Variants in AGPAT4 observed in about 807,000 individuals in gnomAD.
AGPAT4 encodes the protein 1-acylglycerol-3-phosphate O-acyltransferase 4.
In AGPAT4, 15 loss-of-function variants were observed where a neutral mutation model predicts 48.0. The observed-to-expected ratio is 0.31, with a 90% CI of 0.21 to 0.48. The LOEUF (loss-of-function observed/expected upper bound fraction) is 0.48, where lower values mean the gene tolerates loss of function less well. Among genes scored for constraint, AGPAT4 ranks in the 20% least tolerant of loss-of-function variants. The pLI, the probability that AGPAT4 is intolerant of heterozygous loss-of-function variation, is 0.99. For synonymous variants in AGPAT4, 178 were observed against 198.7 expected (o/e 0.90, Z 0.88); for missense variants, 314 against 482.5 (o/e 0.65, Z 3.27).
chr6:161,244,089 A>G lies in AGPAT4; in HGVS notation c.-89-11787T>C, dbSNP rs1782578699. Among the ~76,000 whole-genome samples, 1 of 152,208 alleles carries G rather than the reference A, an allele frequency of 6.6e-6. No individual in the cohort carries two copies. Among genetic ancestry groups the G allele is most frequent in the Admixed American group, 6.5e-5 (1 of 15,284 alleles). On this transcript the variant is annotated intron_variant, in intron 1 of 8. Coordinates refer to ENST00000320285, the MANE Select transcript of AGPAT4 (RefSeq NM_020133.3). The surrounding 1 kb of genome is among the most constrained non-coding windows in gnomAD (Gnocchi z 4.7). ...TCCACCTTGTGGAAGGGAAATAAAA[A>G]CTGGTATTGAGAAGACCAAGACCCT...
At position 161,139,515 on chromosome 6, in the gene AGPAT4, G is replaced by C; in HGVS notation, c.949C>G (p.Leu317Val). 2 of 1,614,098 alleles carry C rather than the reference G, an allele frequency of 1.2e-6. No individual in the cohort carries two copies. The highest frequency in any genetic ancestry group is 1.7e-6 in the Non-Finnish European group (2 of 1,180,032). The stretch of plus-strand genomic sequence containing the variant: ...AACTGGAAGAAAGGGTAGAGCACCA[G>C]CGAGGCCCAAAACAGCCAGTTCACG... ...TLVNWLFWASLVLYPFFQFLV... is the reference protein window; with the variant it reads ...TLVNWLFWASVVLYPFFQFLV... The change falls in exon 8 of 9, where the codon CTG becomes GTG. Residue 317 changes from leucine to valine, a missense_variant. Transcript: ENST00000320285. The surrounding 1 kb of genome is among the most constrained non-coding windows in gnomAD (Gnocchi z 9.1).
rs1781632069 is a variant in AGPAT4 at position 161,215,870 on chromosome 6, C to T, written c.178+16166G>A. ...ATACAGCATTACCTTTCAAACTATA[C>T]ATCAAATTGAGTAGAGCAGACATAG... On this transcript the variant is annotated intron_variant, in intron 2 of 8. Coordinates refer to ENST00000320285, the MANE Select transcript of AGPAT4 (RefSeq NM_020133.3). The surrounding 1 kb of genome is among the most constrained non-coding windows in gnomAD (Gnocchi z 4.5). 6.6e-6 allele frequency among the ~76,000 whole-genome samples: 1 copy of T among 152,148 alleles called. No homozygotes were observed. The highest frequency in any genetic ancestry group is 1.5e-5 in the Non-Finnish European group (1 of 68,042).
rs767796893 is a variant in AGPAT4 at position 161,198,501 on chromosome 6, C to T, written c.179-32084G>A. On this transcript the variant is annotated intron_variant, in intron 2 of 8. Transcript: ENST00000320285. This position sits in a 1 kb window ranked among gnomAD's most constrained non-coding sequence, Gnocchi z 4.3. ...GTCAACACAGCTGAGGTTGAGAAAC[C>T]TGTCTTACGGCCATGACAGTGAGAA... Among the ~76,000 whole-genome samples the T allele has an allele frequency of 1.2e-3, 181 of 152,236 alleles. No individual in the cohort carries two copies. The highest frequency in any genetic ancestry group is 1.1e-3 in the Non-Finnish European group (72 of 68,050).
rs991419103 is a variant in AGPAT4, at chr6:161,243,003, C to T, written c.-89-10701G>A. On this transcript the variant is annotated intron_variant, in intron 1 of 8. Coordinates refer to ENST00000320285, the MANE Select transcript of AGPAT4 (RefSeq NM_020133.3). This position sits in a 1 kb window ranked among gnomAD's most constrained non-coding sequence, Gnocchi z 4.8. ...GATTGAACCCAGGAGGTGGAGGTTG[C>T]AGTGAGTGGAGATTGCGCCACTGCA... Among the ~76,000 whole-genome samples, 5 of 152,188 alleles carry T rather than the reference C, an allele frequency of 3.3e-5. No individual in the cohort carries two copies. In the South Asian group the frequency reaches 1.0e-3, roughly 32 times the overall value.
At chr6:161,263,007 G>A (rs1783147520) in intron 1 of AGPAT4, among the ~76,000 whole-genome samples, 1 of 152,092 alleles carries the variant, frequency 6.6e-6, no homozygotes, top group Admixed American at 6.6e-5. Flanking sequence ...GTGACCAGAG[G>A]CAGAAGAGAC....
At position 161,246,707 on chromosome 6, in the gene AGPAT4, T is replaced by C. The variant is rs1782659216; in HGVS notation, c.-89-14405A>G. ...ACAGAGCCCCTTGCTAGGTTTTAAG[T>C]GGTAAGTACCATGCCCAATAAACTA... On this transcript the variant is annotated intron_variant, in intron 1 of 8. Transcript: ENST00000320285. The surrounding 1 kb of genome is among the most constrained non-coding windows in gnomAD (Gnocchi z 5.5). Among the ~76,000 whole-genome samples the C allele has an allele frequency of 6.6e-6, 1 of 152,204 alleles. No individual in the cohort carries two copies. Among genetic ancestry groups the C allele is most frequent in the South Asian group, 2.1e-4 (1 of 4,834 alleles).
At chr6:161,224,640 CAAAAAAA>C (rs71543000) in intron 2 of AGPAT4, among the ~76,000 whole-genome samples, 41 of 78,662 alleles carry the variant, frequency 5.2e-4, no homozygotes, top group African/African-American at 2.0e-3. Flanking sequence ...GACTCCTTCT[CAAAAAAA>C]AAAAAAAAAA....
chr6:161,233,797 A>C lies in AGPAT4; in HGVS notation c.-89-1495T>G, dbSNP rs12207275. ...TGACCTACAGTATTTTCAATTCGCAATGGGTTTATCGGGATGTAATCCCAT... is the reference window on the plus strand; with the variant it reads ...TGACCTACAGTATTTTCAATTCGCACTGGGTTTATCGGGATGTAATCCCAT... On this transcript the variant is annotated intron_variant, in intron 1 of 8. Transcript: ENST00000320285. The surrounding 1 kb of genome is among the most constrained non-coding windows in gnomAD (Gnocchi z 5.4). Among the ~76,000 whole-genome samples the C allele has an allele frequency of 0.19, 28,850 of 152,178 alleles. 3,328 individuals are homozygous for C. Among genetic ancestry groups the C allele is most frequent in the African/African-American group, 0.32 (13,314 of 41,478 alleles).
chr6:161,198,632 G>A lies in AGPAT4; in HGVS notation c.179-32215C>T, dbSNP rs1460550883. Among the ~76,000 whole-genome samples, 1 of 152,202 alleles carries A rather than the reference G, an allele frequency of 6.6e-6. No individual in the cohort carries two copies. Among genetic ancestry groups the A allele is most frequent in the Non-Finnish European group, 1.5e-5 (1 of 68,026 alleles). ...ACCATCTACTACTTGTGAGACTTTG[G>A]ACATGCTATTTAACCTGCTGTGCCT... is the stretch of plus-strand genomic sequence containing the variant. On this transcript the variant is annotated intron_variant, in intron 2 of 8. Transcript: ENST00000320285. This position sits in a 1 kb window ranked among gnomAD's most constrained non-coding sequence, Gnocchi z 4.3.
At chr6:161,203,861 G>T (rs192449046) in intron 2 of AGPAT4, among the ~76,000 whole-genome samples, 1 of 152,158 alleles carries the variant, frequency 6.6e-6, no homozygotes, top group East Asian at 1.9e-4. Context: ...TAGAGTTTTT[G>T]TTGGTTGGTT....
rs1299955627 is a variant in AGPAT4 at position 161,220,362 on chromosome 6, A to C, written c.178+11674T>G. On this transcript the variant is annotated intron_variant, in intron 2 of 8. Coordinates refer to ENST00000320285, the MANE Select transcript of AGPAT4 (RefSeq NM_020133.3). This position sits in a 1 kb window ranked among gnomAD's most constrained non-coding sequence, Gnocchi z 6.0. ...TTCTAAATAAAATCATTTCACTAGG[A>C]ATTGGGCCAGAGTGTAACAGTAACT... Among the ~76,000 whole-genome samples the C allele has an allele frequency of 6.6e-6, 1 of 152,218 alleles. No homozygotes were observed. The highest frequency in any genetic ancestry group is 1.9e-4 in the East Asian group (1 of 5,196).
In AGPAT4 at chr6:161,200,250, A is replaced by C. The variant is rs973407429; in HGVS notation, c.178+31786T>G. ...GAGAAAATCACAGCAGAATAATGCT[A>C]ATGAGTGAACATTTACCTATTGATT... On this transcript the variant is annotated intron_variant, in intron 2 of 8. Transcript: ENST00000320285. The surrounding 1 kb of genome is among the most constrained non-coding windows in gnomAD (Gnocchi z 5.5). 3.3e-5 allele frequency among the ~76,000 whole-genome samples: 5 copies of C among 152,280 alleles called. No individual in the cohort carries two copies. The highest frequency in any genetic ancestry group is 3.8e-4 in the East Asian group (2 of 5,206).
rs557884066 is a variant in AGPAT4 at position 161,200,528 on chromosome 6, G to A, written c.178+31508C>T. Among the ~76,000 whole-genome samples the A allele has an allele frequency of 6.6e-6, 1 of 152,200 alleles. No homozygotes were observed. The highest frequency in any genetic ancestry group is 1.5e-5 in the Non-Finnish European group (1 of 68,038). ...TAATCATAGTTGGTCTGGACAAGGG[G>A]AAAAACAGTGTGTGTGCTTGGGCAT... is the stretch of plus-strand genomic sequence containing the variant. On this transcript the variant is annotated intron_variant, in intron 2 of 8. Transcript: ENST00000320285. The surrounding 1 kb of genome is among the most constrained non-coding windows in gnomAD (Gnocchi z 5.5).
In AGPAT4 at chr6:161,140,890, CAGTG is replaced by C. The variant is rs1779228968; in HGVS notation, c.844-1274_844-1271del. Among the ~76,000 whole-genome samples, 1 of 152,148 alleles carries C rather than the reference CAGTG, an allele frequency of 6.6e-6. No homozygotes were observed. Among genetic ancestry groups the C allele is most frequent in the African/African-American group, 2.4e-5 (1 of 41,398 alleles). Reference sequence around the variant, plus strand: ...GCCACACAAAAATGGGTGTGGGTCACAGTGAGGCCCAGTTTGTGTCCCATGAACT... The same window carrying C: ...GCCACACAAAAATGGGTGTGGGTCACAGGCCCAGTTTGTGTCCCATGAACT... On this transcript the variant is annotated intron_variant, in intron 7 of 8. Transcript: ENST00000320285. This position sits in a 1 kb window ranked among gnomAD's most constrained non-coding sequence, Gnocchi z 6.5.
chr6:161,261,372 G>A lies in AGPAT4; in HGVS notation c.-90+12566C>T, dbSNP rs1212704270. On this transcript the variant is annotated intron_variant, in intron 1 of 8. Coordinates refer to ENST00000320285, the MANE Select transcript of AGPAT4 (RefSeq NM_020133.3). The surrounding 1 kb of genome is among the most constrained non-coding windows in gnomAD (Gnocchi z 5.3). Reference sequence around the variant, plus strand: ...GTGTGTATATCTGCCATCCCACGAAGCAGGCTTCCTCAGGAGCTGAGTGTC... The same window carrying A: ...GTGTGTATATCTGCCATCCCACGAAACAGGCTTCCTCAGGAGCTGAGTGTC... Among the ~76,000 whole-genome samples the A allele has an allele frequency of 1.3e-5, 2 of 152,194 alleles. No homozygotes were observed. The highest frequency in any genetic ancestry group is 4.8e-5 in the African/African-American group (2 of 41,444).
rs899647632 is a variant in AGPAT4, at chr6:161,154,390, A to G, written c.349-80T>C. The stretch of plus-strand genomic sequence containing the variant: ...CCGGGGCTGTTGGAGACTGAAGTAG[A>G]AAAAGAGGAGGGGACGTTCACACCA... On this transcript the variant is annotated intron_variant, in intron 3 of 8. Coordinates refer to ENST00000320285, the MANE Select transcript of AGPAT4 (RefSeq NM_020133.3). The surrounding 1 kb of genome is among the most constrained non-coding windows in gnomAD (Gnocchi z 7.8). 9 of 1,554,404 alleles carry G rather than the reference A, an allele frequency of 5.8e-6. No individual in the cohort carries two copies. In the African/African-American group the frequency reaches 1.2e-4, roughly 21 times the overall value.
chr6:161,273,747 G>A (rs111320226), intron 1 of AGPAT4, among the ~76,000 whole-genome samples, 191 bp downstream of exon 1: 4 of 151,146 alleles, frequency 2.6e-5, no homozygotes, highest in African/African-American at 9.7e-5. Flanking sequence ...GCCTCTCTTC[G>A]CCTCCCTCCA....
In AGPAT4 at chr6:161,235,956, C is replaced by T. The variant is rs765843610; in HGVS notation, c.-89-3654G>A. Reference sequence around the variant, plus strand: ...AGCTTCTTTCCCATCTTGAATAAAACAGCACTTTCTCTTCTAACGTGGCAA... The same window carrying T: ...AGCTTCTTTCCCATCTTGAATAAAATAGCACTTTCTCTTCTAACGTGGCAA... On this transcript the variant is annotated intron_variant, in intron 1 of 8. Transcript: ENST00000320285. This position sits in a 1 kb window ranked among gnomAD's most constrained non-coding sequence, Gnocchi z 6.2. Among the ~76,000 whole-genome samples the T allele has an allele frequency of 4.6e-5, 7 of 152,204 alleles. No individual in the cohort carries two copies. The highest frequency in any genetic ancestry group is 7.3e-5 in the Non-Finnish European group (5 of 68,038).
At chr6:161,174,511 T>C (rs973891263) in intron 2 of AGPAT4, among the ~76,000 whole-genome samples, 1 of 152,254 alleles carries the variant, frequency 6.6e-6, no homozygotes, top group Non-Finnish European at 1.5e-5. Context: ...CCTGAGACTT[T>C]GCTGACGTTG....
Sources: gnomAD v4.1 joint callset for allele counts (sites outside exome capture counted in the v4.1 genomes callset) on GRCh38, gnomAD v4.1.1 for gene constraint, Gnocchi (gnomAD v3.1) non-coding constraint, MANE v1.5 for transcripts, NCBI Gene and HGNC (gene_info 2026-07-23, HGNC 2026-07-21) for gene names.